Variants in TANC2 observed in about 807,000 individuals in gnomAD.
TANC2 encodes tetratricopeptide repeat, ankyrin repeat and coiled-coil containing 2.
Under a neutral mutation model 210.5 loss-of-function variants are expected in TANC2, and 26 were observed. The observed-to-expected ratio is 0.12, with a 90% CI of 0.09 to 0.17. TANC2 has a LOEUF of 0.17. Among genes scored for constraint, TANC2 ranks in the 10% least tolerant of loss-of-function variants. The pLI is 1.00. For synonymous variants in TANC2, 931 were observed against 967.1 expected, an observed-to-expected ratio of 0.96 and a Z score of 0.69; for missense variants, 2,129 against 2,608.9, an observed-to-expected ratio of 0.82 and a Z score of 4.01.
intron 2 of TANC2, among the ~76,000 whole-genome samples, chr17:63,067,613 T>C (rs915411614): frequency 3.3e-5 from 5 of 151,976 alleles, no homozygotes; most frequent in South Asian, 2.1e-4. Flanking sequence ...ATAGGAGATA[T>C]ATAAAGAAGA....
At chr17:63,367,840 A>C (rs1269102928) in intron 14 of TANC2, among the ~76,000 whole-genome samples, 1 of 152,248 alleles carries the variant, frequency 6.6e-6, no homozygotes, top group Non-Finnish European at 1.5e-5. Context: ...CTTAAATGCC[A>C]TATTTAAGAC....
Position 63,220,165 on chromosome 17 carries a change from C to A in TANC2, c.770-17649C>A, listed in dbSNP as rs185030431. On this transcript the variant is annotated intron_variant, in intron 7 of 27. Coordinates refer to ENST00000689528, the Ensembl canonical transcript of TANC2. ...CAAAAATTAGTGGGGCATGGTGTCA[C>A]GTGCCTGTAATCCCAGCTACTCAGG... Among the ~76,000 whole-genome samples the A allele has an allele frequency of 2.3e-3, 343 of 151,610 alleles. 1 individual carries two copies. The highest frequency in any genetic ancestry group is 3.9e-3 in the Non-Finnish European group (263 of 67,880).
chr17:63,084,496 T>A (rs1037100113), intron 3 of TANC2, among the ~76,000 whole-genome samples: 1 of 151,914 alleles, frequency 6.6e-6, no homozygotes, highest in Non-Finnish European at 1.5e-5. Flanking sequence ...TCCAATTTCA[T>A]TGATTTCTGC....
At chr17:63,194,074 G>C (rs1234548944) in exon 6 of TANC2, 8 of 1,613,296 alleles carry the variant, frequency 5.0e-6, no homozygotes, top group Non-Finnish European at 6.8e-6. Flanking sequence ...TTTCCTCCTT[G>C]GAGAGAAAGT....
intron 2 of TANC2, among the ~76,000 whole-genome samples, chr17:63,017,680 C>T (rs887835980): frequency 2.0e-5 from 3 of 152,160 alleles, no homozygotes; most frequent in African/African-American, 2.4e-5. Context: ...TCTGTTCAGA[C>T]TAGACATGGA....
chr17:63,299,948 T>A (rs1480423130), intron 9 of TANC2, among the ~76,000 whole-genome samples: 3 of 152,166 alleles, frequency 2.0e-5, no homozygotes, highest in Non-Finnish European at 4.4e-5. Context: ...CCATCTTGAG[T>A]TAATTTTTGT....
chr17:63,204,843 G>C (rs1466761493), intron 7 of TANC2, among the ~76,000 whole-genome samples: 1 of 152,180 alleles, frequency 6.6e-6, no homozygotes, highest in Non-Finnish European at 1.5e-5. Flanking sequence ...CCAGCACTTT[G>C]AGAAGCCAAG....
intron 4 of TANC2, among the ~76,000 whole-genome samples, chr17:63,142,128 G>A (rs1464948462): frequency 6.6e-6 from 1 of 152,110 alleles, no homozygotes; most frequent in Non-Finnish European, 1.5e-5. Context: ...ACTTGCTCCT[G>A]TCCCAACTTC....
intron 4 of TANC2, among the ~76,000 whole-genome samples, chr17:63,112,045 A>G (rs537399025): frequency 6.6e-6 from 1 of 152,214 alleles, no homozygotes; most frequent in Admixed American, 6.5e-5. Context: ...TTTTTAATCT[A>G]TACCCTCAAA....
intron 9 of TANC2, among the ~76,000 whole-genome samples, chr17:63,308,215 G>A (rs1470767901): frequency 6.6e-6 from 1 of 151,996 alleles, no homozygotes; most frequent in Non-Finnish European, 1.5e-5. Context: ...TTTAATTTTG[G>A]TGCTCTTCAG....
chr17:63,122,156 C>T (rs761918264), intron 4 of TANC2, among the ~76,000 whole-genome samples: 13 of 152,116 alleles, frequency 8.5e-5, no homozygotes, highest in South Asian at 4.1e-4. Context: ...TATTTCATGT[C>T]GGAACTAGAG....
intron 17 of TANC2, chr17:63,390,947 C>G (rs934976793): frequency 1.3e-5 from 2 of 152,258 alleles, no homozygotes; most frequent in Middle Eastern, 6.8e-3. Context: ...TCACTGTGAT[C>G]GAGCTCATCT....
chr17:63,052,366 C>T (rs1031635644), intron 2 of TANC2, among the ~76,000 whole-genome samples: 2 of 152,106 alleles, frequency 1.3e-5, no homozygotes, highest in African/African-American at 2.4e-5. Flanking sequence ...AGACACCCAG[C>T]ACGTACATAT....
intron 7 of TANC2, among the ~76,000 whole-genome samples, chr17:63,211,986 C>T (rs1418114344): frequency 6.6e-6 from 1 of 152,090 alleles, no homozygotes. Context: ...CCCATTAACT[C>T]GTCATCTACG....
intron 14 of TANC2, among the ~76,000 whole-genome samples, chr17:63,361,645 GGGCTCCTCAAA>G (rs1487081109): frequency 1.3e-5 from 2 of 152,208 alleles, no homozygotes; most frequent in Non-Finnish European, 2.9e-5. Context: ...CCCTAGGTCT[GGGCTCCTCAAA>G]GAACTGCAGC....
At chr17:63,308,284 C>G (rs1412443656) in intron 9 of TANC2, among the ~76,000 whole-genome samples, 1 of 152,172 alleles carries the variant, frequency 6.6e-6, no homozygotes, top group East Asian at 1.9e-4. Flanking sequence ...GCTCCCTATC[C>G]CTCTACATCT....
chr17:62,971,469 A>G (rs2031690703), intron 1 of TANC2, among the ~76,000 whole-genome samples: 1 of 152,164 alleles, frequency 6.6e-6, no homozygotes, highest in Admixed American at 6.5e-5. Context: ...AGCTGAGACT[A>G]TAGGCACGTG....
intron 11 of TANC2, among the ~76,000 whole-genome samples, chr17:63,333,104 C>G (rs2045914856): frequency 6.6e-6 from 1 of 152,170 alleles, no homozygotes; most frequent in Non-Finnish European, 1.5e-5. Context: ...GGCCTTGGAT[C>G]AAGGAGTAAT....
chr17:63,011,141 C>G (rs921051608), intron 2 of TANC2, among the ~76,000 whole-genome samples: 1 of 152,086 alleles, frequency 6.6e-6, no homozygotes, highest in Non-Finnish European at 1.5e-5. Flanking sequence ...TATAGAAAAC[C>G]ACTTTTATCA....
Sources: gnomAD v4.1 joint callset for allele counts (sites outside exome capture counted in the v4.1 genomes callset) on GRCh38, gnomAD v4.1.1 for gene constraint, MANE v1.5 for transcripts, NCBI Gene and HGNC (gene_info 2026-07-23, HGNC 2026-07-21) for gene names.